The following SLC26A7 variants were observed in gnomAD, a reference collection of about 807,000 sequenced individuals.
The protein encoded by SLC26A7 is anion exchange transporter.
In SLC26A7, 59 loss-of-function variants were observed where a neutral mutation model predicts 82.5. The ratio of observed to expected loss-of-function variants is 0.72; its 90% confidence interval spans 0.58 to 0.89. SLC26A7 has a LOEUF of 0.89. Ranked by LOEUF, SLC26A7 falls within the 40% of genes least tolerant of loss-of-function variation. The pLI is 0.00. For missense variants in SLC26A7, 820 were observed against 793.0 expected, an observed-to-expected ratio of 1.03 and a Z score of -0.41; for synonymous variants, 271 against 274.3, an observed-to-expected ratio of 0.99 and a Z score of 0.12.
At chr8:91,243,881 C>T (rs1268401439) in intron 2 of SLC26A7, among the ~76,000 whole-genome samples, 2 of 151,974 alleles carry the variant, frequency 1.3e-5, no homozygotes, top group African/African-American at 2.4e-5. Flanking sequence ...CAACTGTATA[C>T]CACTTAAAAG....
At chr8:91,277,333 A>G (rs747860497) in intron 2 of SLC26A7, among the ~76,000 whole-genome samples, 4 of 152,224 alleles carry the variant, frequency 2.6e-5, no homozygotes, top group Non-Finnish European at 5.9e-5. Flanking sequence ...TAAAACTGCT[A>G]TTTGTATGCT....
chr8:91,279,346 A>G (rs1044187602), intron 2 of SLC26A7, among the ~76,000 whole-genome samples: 2 of 151,552 alleles, frequency 1.3e-5, no homozygotes, highest in South Asian at 2.1e-4. Flanking sequence ...TGGAAGTTCT[A>G]TGTTTAATTT....
intron 11 of SLC26A7, among the ~76,000 whole-genome samples, chr8:91,358,912 C>G (rs915998418): frequency 1.8e-4 from 27 of 152,132 alleles, no homozygotes; most frequent in African/African-American, 6.3e-4. Flanking sequence ...AGCGGAACAT[C>G]AACACCAGGG....
At chr8:91,339,475 C>T (rs560760761) in intron 7 of SLC26A7, among the ~76,000 whole-genome samples, 1 of 152,154 alleles carries the variant, frequency 6.6e-6, no homozygotes, top group Admixed American at 6.6e-5. Flanking sequence ...AATGTTTTCT[C>T]CTCTATACAG....
chr8:91,210,221 T>C (rs74550121), intron 1 of SLC26A7, among the ~76,000 whole-genome samples: 1,649 of 152,278 alleles, frequency 0.011, 25 homozygotes, highest in African/African-American at 0.037. Context: ...TAAGCAAAGT[T>C]AAGTAGTTTG....
Position 91,351,904 on chromosome 8 carries a change from T to C in SLC26A7, c.1218+17T>C. On this transcript the variant is annotated intron_variant, in intron 10 of 18. Transcript: ENST00000276609. Reference sequence around the variant, plus strand: ...CTGCCCATGGTACGGTAGTGCTTTTTCACTATCTACTTTTTAATTTAACTT... The same window carrying C: ...CTGCCCATGGTACGGTAGTGCTTTTCCACTATCTACTTTTTAATTTAACTT... The C allele has an allele frequency of 6.4e-7, 1 of 1,553,452 alleles. No individual in the cohort carries two copies. The highest frequency in any genetic ancestry group is 8.9e-7 in the Non-Finnish European group (1 of 1,126,676).
At chr8:91,229,284 T>C (rs189913788) in intron 2 of SLC26A7, among the ~76,000 whole-genome samples, 2 of 152,326 alleles carry the variant, frequency 1.3e-5, no homozygotes, top group South Asian at 2.1e-4. Flanking sequence ...TCTTTCTCCC[T>C]CATCACCTTC....
chr8:91,269,669 C>A (rs576572788), intron 2 of SLC26A7, among the ~76,000 whole-genome samples: 1 of 152,190 alleles, frequency 6.6e-6, no homozygotes, highest in Non-Finnish European at 1.5e-5. Flanking sequence ...CATCTTTCTC[C>A]TGAATTGAGA....
intron 2 of SLC26A7, among the ~76,000 whole-genome samples, chr8:91,274,524 G>A (rs1259103325): frequency 6.6e-6 from 1 of 152,160 alleles, no homozygotes; most frequent in Non-Finnish European, 1.5e-5. Flanking sequence ...GAGCACCAAG[G>A]AATGCAAGAG....
At chr8:91,260,076 T>G (rs1353718571) in intron 2 of SLC26A7, among the ~76,000 whole-genome samples, 1 of 152,182 alleles carries the variant, frequency 6.6e-6, no homozygotes. Context: ...GATTGAGCAC[T>G]GTATTAGTCC....
intron 15 of SLC26A7, among the ~76,000 whole-genome samples, chr8:91,380,897 T>C (rs1031204736): frequency 6.6e-6 from 1 of 152,204 alleles, no homozygotes; most frequent in East Asian, 1.9e-4. Context: ...GGTGTCCAAC[T>C]AAAGCAGCAG....
intron 11 of SLC26A7, among the ~76,000 whole-genome samples, chr8:91,357,821 C>A (rs945853665): frequency 6.6e-6 from 1 of 152,154 alleles, no homozygotes. Context: ...AGTGAACAGG[C>A]AACCTACAAA....
rs1180365283 is a variant in SLC26A7 at position 91,389,295 on chromosome 8, C to A, written c.1676-43C>A. Reference sequence around the variant, plus strand: ...AGTCAACAAAGCCAGCAGCAGAAGTCTCTTAAAACTCTCCCTAACTCAAGT... The same window carrying A: ...AGTCAACAAAGCCAGCAGCAGAAGTATCTTAAAACTCTCCCTAACTCAAGT... On this transcript the variant is annotated intron_variant, in intron 15 of 18. Transcript: ENST00000276609. The A allele has an allele frequency of 2.1e-6, 3 of 1,448,002 alleles. No homozygotes were observed. In the African/African-American group the frequency reaches 4.2e-5, roughly 20 times the overall value. 89.7% of individuals were successfully genotyped at this position (1,448,002 alleles called of 1,614,324 possible).
chr8:91,365,578 T>G (rs975276862), intron 13 of SLC26A7, among the ~76,000 whole-genome samples: 3 of 152,246 alleles, frequency 2.0e-5, no homozygotes, highest in African/African-American at 7.2e-5. Flanking sequence ...TTGTTTGTTT[T>G]CTTGAGTTAT....
At chr8:91,242,917 A>G (rs1810493350) in intron 2 of SLC26A7, among the ~76,000 whole-genome samples, 1 of 152,216 alleles carries the variant, frequency 6.6e-6, no homozygotes, top group Non-Finnish European at 1.5e-5. Flanking sequence ...AAAGATTTTG[A>G]TACAATGAAC....
intron 1 of SLC26A7, among the ~76,000 whole-genome samples, chr8:91,215,962 A>G (rs1168781664): frequency 6.6e-6 from 1 of 152,212 alleles, no homozygotes; most frequent in African/African-American, 2.4e-5. Flanking sequence ...TGGTACGAGA[A>G]TTTCATGTTA....
rs1056676314 is a variant in SLC26A7 at position 91,394,172 on chromosome 8, C to G, written c.1935+133C>G. ...GTTAGCCCCCCACCCCACCCCACCT[C>G]AGACTTTCTATTACAGGTAAAAGAA... On this transcript the variant is annotated intron_variant, in intron 18 of 18. Coordinates refer to ENST00000276609, the MANE Select transcript of SLC26A7 (RefSeq NM_052832.4). 8 of 1,607,818 alleles carry G rather than the reference C, an allele frequency of 5.0e-6. 1 individual carries two copies. The Admixed American group carries it at 1.2e-4, about 24-fold the overall frequency.
intron 2 of SLC26A7, among the ~76,000 whole-genome samples, chr8:91,286,237 G>A (rs1811706969): frequency 6.6e-6 from 1 of 152,154 alleles, no homozygotes; most frequent in Non-Finnish European, 1.5e-5. Flanking sequence ...CAAATGTTCA[G>A]TTTCACACTA....
intron 5 of SLC26A7, 136 bp downstream of exon 5, chr8:91,318,516 G>C (rs1586403656): frequency 3.0e-6 from 2 of 670,434 alleles, no homozygotes; most frequent in African/African-American, 3.7e-5. Context: ...AGGATATTTT[G>C]AGTGTGACTT....
Sources: gnomAD v4.1 joint callset for allele counts (sites outside exome capture counted in the v4.1 genomes callset) on GRCh38, gnomAD v4.1.1 for gene constraint, MANE v1.5 for transcripts, NCBI Gene and HGNC (gene_info 2026-07-23, HGNC 2026-07-21) for gene names.